ATF5: variants seen among roughly 807,000 people sequenced by gnomAD.
ATF5 encodes the protein activating transcription factor 5, also known as cyclic AMP-dependent transcription factor ATF-5.
A neutral mutation model predicts 4.6 loss-of-function variants in ATF5; 6 were observed. The observed-to-expected ratio is 1.31, with a 90% confidence interval of 0.72 to 2.59. The LOEUF is 2.59. ATF5 is among the 30% of genes most tolerant of loss of function. The probability of loss-of-function intolerance (pLI) is 0.00; values close to 1 mark genes in which losing one functional copy is unlikely to be tolerated. For missense variants in ATF5, 410 were observed against 368.7 expected, an observed-to-expected ratio of 1.11 and a Z score of -0.92; for synonymous variants, 193 against 165.0, an observed-to-expected ratio of 1.17 and a Z score of -1.30.
In ATF5 at chr19:49,933,438, A is replaced by G. The variant is rs909759331; in HGVS notation, c.*346A>G. ...CCCTCCTTTCTCGTCCAAATCATGA[A>G]ATGTTTGGCCTTAGTCAATGTCTAT... On this transcript the variant is annotated 3_prime_UTR_variant, in exon 3 of 3. Coordinates refer to ENST00000423777, the MANE Select transcript of ATF5 (RefSeq NM_001193646.2). 25 of 209,812 alleles carry G rather than the reference A, an allele frequency of 1.2e-4. No individual in the cohort carries two copies. The highest frequency in any genetic ancestry group is 5.0e-4 in the African/African-American group (22 of 43,580). 13.0% of individuals were successfully genotyped at this position (209,812 alleles called of 1,614,324 possible). A position where few individuals can be genotyped will look rare whatever the true frequency, so the allele number is the denominator to read the frequency against.
chr19:49,933,285 A>T lies in ATF5; in HGVS notation c.*193A>T. 1 of 496,122 alleles carries T rather than the reference A, an allele frequency of 2.0e-6. No homozygotes were observed. Among genetic ancestry groups the T allele is most frequent in the South Asian group, 4.8e-5 (1 of 20,820 alleles). 30.7% of individuals were successfully genotyped at this position (496,122 alleles called of 1,614,324 possible). A position where few individuals can be genotyped will look rare whatever the true frequency, so the allele number is the denominator to read the frequency against. ...ATACCAGCCTGGGCAACATAGTAAG[A>T]CCCTGTCTCTATTAAAAAAAAAAAA... is the stretch of plus-strand genomic sequence containing the variant. On this transcript the variant is annotated 3_prime_UTR_variant, in exon 3 of 3. Transcript: ENST00000423777.
Position 49,932,979 on chromosome 19 carries a change from CGGA to C in ATF5, c.737_739del (p.Arg246_Asn247delinsHis). 4.3e-6 allele frequency: 7 copies of C among 1,614,010 alleles called. No individual in the cohort carries two copies. The highest frequency in any genetic ancestry group is 5.9e-6 in the Non-Finnish European group (7 of 1,179,980). ...GGGCGAGTGCCAGGGGCTGGAGGCA[CGGA>C]ATCGCGAGCTGAAGGAACGGGCAGA... On this transcript the variant is annotated inframe_deletion, in exon 3 of 3. Coordinates refer to ENST00000423777, the MANE Select transcript of ATF5 (RefSeq NM_001193646.2).
At position 49,930,728 on chromosome 19, in the gene ATF5, G is replaced by A. The variant is rs2076046838; in HGVS notation, c.-119-4G>A. 1.3e-6 allele frequency: 1 copy of A among 786,322 alleles called. No homozygotes were observed. Among genetic ancestry groups the A allele is most frequent in the Non-Finnish European group, 1.9e-6 (1 of 513,144 alleles). 48.7% of individuals were successfully genotyped at this position (786,322 alleles called of 1,614,324 possible). A position where few individuals can be genotyped will look rare whatever the true frequency, so the allele number is the denominator to read the frequency against. ...CCACACCCACTCTTGTCTCACGCGT[G>A]TAGGTCTTCCACTTTCGCCTTGGTG... On this transcript the variant is annotated splice_polypyrimidine_tract_variant and splice_region_variant and intron_variant, in intron 1 of 2. Transcript: ENST00000423777.
Position 49,930,744 on chromosome 19 carries a change from C to T in ATF5, c.-107C>T, listed in dbSNP as rs140839458. 1 of 944,474 alleles carries T rather than the reference C, an allele frequency of 1.1e-6. No individual in the cohort carries two copies. Among genetic ancestry groups the T allele is most frequent in the South Asian group, 2.0e-5 (1 of 49,934 alleles). 58.5% of individuals were successfully genotyped at this position (944,474 alleles called of 1,614,324 possible). A position where few individuals can be genotyped will look rare whatever the true frequency, so the allele number is the denominator to read the frequency against. ...CTCACGCGTGTAGGTCTTCCACTTT[C>T]GCCTTGGTGCCTGTCTTCGCCCACC... is the stretch of plus-strand genomic sequence containing the variant. On this transcript the variant is annotated 5_prime_UTR_variant, in exon 2 of 3. Transcript: ENST00000423777.
At position 49,933,107 on chromosome 19, in the gene ATF5, G is replaced by A; in HGVS notation, c.*15G>A. ...GTAGCTGCTAGAAGGGCAGGGGTGT[G>A]GCTTCTGGGGGCTGGTCTTCAGCTC... is the stretch of plus-strand genomic sequence containing the variant. On this transcript the variant is annotated 3_prime_UTR_variant, in exon 3 of 3. Coordinates refer to ENST00000423777, the MANE Select transcript of ATF5 (RefSeq NM_001193646.2). The A allele has an allele frequency of 6.4e-7, 1 of 1,555,946 alleles. No individual in the cohort carries two copies. Among genetic ancestry groups the A allele is most frequent in the Non-Finnish European group, 8.7e-7 (1 of 1,147,770 alleles).
intron 2 of ATF5, among the ~76,000 whole-genome samples, chr19:49,931,972 A>G (rs1568733937): frequency 2.6e-5 from 4 of 151,824 alleles, no homozygotes; most frequent in Non-Finnish European, 5.9e-5. Context: ...TGCTTGAGTC[A>G]TTGGTTGGTT....
chr19:49,931,638 C>T (rs752112805), intron 2 of ATF5, among the ~76,000 whole-genome samples: 21 of 151,838 alleles, frequency 1.4e-4, no homozygotes, highest in Non-Finnish European at 2.5e-4. Context: ...CAGAGTGAAA[C>T]CCTATCCCTT....
At position 49,933,203 on chromosome 19, in the gene ATF5, G is replaced by C; in HGVS notation, c.*111G>C. ...CGGCCGGGTGCAGTGGCTTATGCTT[G>C]TAATCCCAGCACTTTGGGAGGCCAA... On this transcript the variant is annotated 3_prime_UTR_variant, in exon 3 of 3. Coordinates refer to ENST00000423777, the MANE Select transcript of ATF5 (RefSeq NM_001193646.2). 8.2e-7 allele frequency: 1 copy of C among 1,216,972 alleles called. No individual in the cohort carries two copies. Among genetic ancestry groups the C allele is most frequent in the South Asian group, 1.6e-5 (1 of 61,130 alleles). 75.4% of individuals were successfully genotyped at this position (1,216,972 alleles called of 1,614,324 possible).
chr19:49,932,444 G>T lies in ATF5; in HGVS notation c.201G>T (p.Met67Ile). 1 of 1,613,784 alleles carries T rather than the reference G, an allele frequency of 6.2e-7. No individual in the cohort carries two copies. The highest frequency in any genetic ancestry group is 8.5e-7 in the Non-Finnish European group (1 of 1,179,888). The change falls in exon 3 of 3, where the codon ATG becomes ATT. Residue 67 changes from methionine (M) to isoleucine (I), a missense_variant. Physicochemically the swap from Met to Ile is conservative, Grantham distance 10. Transcript: ENST00000423777. ...PLAGDGFSDW[M>I]TERVDFTALL... is the part of the protein sequence containing the mutation. ...CAGGTGATGGCTTCTCTGACTGGAT[G>T]ACTGAGCGAGTTGATTTCACAGCTC...
intron 1 of ATF5, chr19:49,929,736 A>G (rs956977118): frequency 2.0e-5 from 3 of 151,932 alleles, no homozygotes; most frequent in African/African-American, 4.8e-5. Flanking sequence ...AGAGCTGCGG[A>G]CCCTGAATGG....
chr19:49,930,092 G>A (rs1296769579), intron 1 of ATF5: 1 of 152,160 alleles, frequency 6.6e-6, no homozygotes, highest in Non-Finnish European at 1.5e-5. Flanking sequence ...TTGTGAGAAG[G>A]GGCGGGGCTA....
chr19:49,933,173 C>T lies in ATF5; in HGVS notation c.*81C>T, dbSNP rs1443823300. The stretch of plus-strand genomic sequence containing the variant: ...CCTGCCTCTACCTTCATTCCAAACC[C>T]CTCTCGGCCGGGTGCAGTGGCTTAT... On this transcript the variant is annotated 3_prime_UTR_variant, in exon 3 of 3. Transcript: ENST00000423777. The T allele has an allele frequency of 4.3e-6, 6 of 1,409,794 alleles. No homozygotes were observed. The South Asian group carries it at 5.9e-5, about 14-fold the overall frequency. The allele number at this position is 1,409,794 out of a possible 1,614,324, so 87.3% of individuals were successfully genotyped here. A position where few individuals can be genotyped will look rare whatever the true frequency, so the allele number is the denominator to read the frequency against.
chr19:49,932,748 G>A lies in ATF5; in HGVS notation c.505G>A (p.Glu169Lys), dbSNP rs760050011. The A allele has an allele frequency of 8.2e-6, 13 of 1,591,178 alleles. No homozygotes were observed. Among genetic ancestry groups the A allele is most frequent in the African/African-American group, 2.7e-5 (2 of 72,740 alleles). ...LDLLAIYCRN[E>K]AGQEEVGMPP... ...CTTGCTGGCCATCTACTGCCGCAAC[G>A]AGGCCGGGCAGGAGGAAGTGGGGAT... The change falls in exon 3 of 3, where the codon GAG becomes AAG. Residue 169 changes from glutamate to lysine, a missense_variant. Transcript: ENST00000423777.
rs1488922938 is a variant in ATF5, at chr19:49,932,939, G to A, written c.696G>A (p.Glu232=). Residue 232 remains glutamate (E), a synonymous_variant, in exon 3 of 3, where the codon GAG becomes GAA. Transcript: ENST00000423777. ...GGTACCGCCAGCGGAAGCGGGCAGA[G>A]GGTGAGGCCCTGGAGGGCGAGTGCC... The part of the protein sequence containing the change: ...ALRYRQRKRA[E]GEALEGECQG... The A allele has an allele frequency of 3.1e-6, 5 of 1,613,876 alleles. No individual in the cohort carries two copies. In the Admixed American group the frequency reaches 5.0e-5, roughly 16 times the overall value.
In ATF5 at chr19:49,932,877, CAAA is replaced by C. The variant is rs1298188066; in HGVS notation, c.636_638del (p.Lys214del). ...TGCCACCACCCGAGGGGACCGCAAGCAAAAGAAGAGAGACCAGAACAAGTCGGC... is the reference window on the plus strand; with the variant it reads ...TGCCACCACCCGAGGGGACCGCAAGCAGAAGAGAGACCAGAACAAGTCGGC... On this transcript the variant is annotated inframe_deletion, in exon 3 of 3. Coordinates refer to ENST00000423777, the MANE Select transcript of ATF5 (RefSeq NM_001193646.2). 3 of 1,613,192 alleles carry C rather than the reference CAAA, an allele frequency of 1.9e-6. No homozygotes were observed. In the African/African-American group the frequency reaches 4.0e-5, roughly 22 times the overall value.
chr19:49,932,551 CCCT>C lies in ATF5; in HGVS notation c.313_315del (p.Leu105del). ...CCACCTGACCTGGAAGCTATGGCCT[CCCT>C]CCTCAAGAAGGAGCTGGAACAGATG... On this transcript the variant is annotated inframe_deletion, in exon 3 of 3. Transcript: ENST00000423777. 6.2e-7 allele frequency: 1 copy of C among 1,600,386 alleles called. No individual in the cohort carries two copies. The highest frequency in any genetic ancestry group is 8.5e-7 in the Non-Finnish European group (1 of 1,174,378).
rs1333716367 is a variant in ATF5, at chr19:49,930,750, G to A, written c.-101G>A. 9.8e-7 allele frequency: 1 copy of A among 1,019,444 alleles called. No individual in the cohort carries two copies. Among genetic ancestry groups the A allele is most frequent in the Non-Finnish European group, 1.4e-6 (1 of 726,072 alleles). The allele number at this position is 1,019,444 out of a possible 1,614,324, so 63.1% of individuals were successfully genotyped here. A position where few individuals can be genotyped will look rare whatever the true frequency, so the allele number is the denominator to read the frequency against. ...CGTGTAGGTCTTCCACTTTCGCCTT[G>A]GTGCCTGTCTTCGCCCACCTGAGCA... On this transcript the variant is annotated 5_prime_UTR_variant, in exon 2 of 3. Transcript: ENST00000423777.
Position 49,932,977 on chromosome 19 carries a change from C to CACGGAATCGCGAGCTGAAGGA in ATF5, c.739_759dup (p.Asn247_Arg253dup), listed in dbSNP as rs778928312. 6.2e-7 allele frequency: 1 copy of CACGGAATCGCGAGCTGAAGGA among 1,614,054 alleles called. No individual in the cohort carries two copies. The highest frequency in any genetic ancestry group is 2.2e-5 in the East Asian group (1 of 44,850). Reference sequence around the variant, plus strand: ...GAGGGCGAGTGCCAGGGGCTGGAGGCACGGAATCGCGAGCTGAAGGAACGG... The same window carrying CACGGAATCGCGAGCTGAAGGA: ...GAGGGCGAGTGCCAGGGGCTGGAGGCACGGAATCGCGAGCTGAAGGAACGGAATCGCGAGCTGAAGGAACGG... On this transcript the variant is annotated inframe_insertion, in exon 3 of 3. Transcript: ENST00000423777.
At position 49,932,568 on chromosome 19, in the gene ATF5, C is replaced by T. The variant is rs1287794387; in HGVS notation, c.325C>T (p.Leu109=). 2 of 1,580,636 alleles carry T rather than the reference C, an allele frequency of 1.3e-6. No homozygotes were observed. Among genetic ancestry groups the T allele is most frequent in the South Asian group, 2.2e-5 (2 of 89,714 alleles). Residue 109 remains leucine (L), a synonymous_variant, in exon 3 of 3, where the codon CTG becomes TTG. Transcript: ENST00000423777. ...EAMASLLKKE[L]EQMEDFFLDA... is the part of the protein sequence containing the mutation. ...TATGGCCTCCCTCCTCAAGAAGGAG[C>T]TGGAACAGATGGAAGACTTCTTCCT...
Sources: allele counts gnomAD v4.1 joint callset (sites outside exome capture counted in the v4.1 genomes callset), GRCh38; gene constraint gnomAD v4.1.1; transcripts MANE v1.5; gene names NCBI Gene and HGNC (gene_info 2026-07-23, HGNC 2026-07-21).